MTA1: variants seen among roughly 807,000 people sequenced by gnomAD.
MTA1 encodes metastasis associated 1.
In MTA1, 15 loss-of-function variants were observed where a neutral mutation model predicts 97.0. The observed-to-expected ratio is 0.15, with a 90% confidence interval of 0.10 to 0.24. The LOEUF (loss-of-function observed/expected upper bound fraction) is 0.24, where lower values mean the gene tolerates loss of function less well. MTA1 is among the 10% of genes least tolerant of loss of function. The pLI, the probability that MTA1 is intolerant of heterozygous loss-of-function variation, is 1.00. For missense variants in MTA1, 709 were observed against 1,015.1 expected (o/e 0.70, Z 4.10); for synonymous variants, 435 against 417.5 (o/e 1.04, Z -0.51).
In MTA1 at chr14:105,469,615, G is replaced by A. The variant is rs587688754; in HGVS notation, c.1845+117G>A. On this transcript the variant is annotated intron_variant, in intron 19 of 20. Transcript: ENST00000331320. Reference sequence around the variant, plus strand: ...CACGTGGAAGCTTCCAGGAGGCCTGGCAAGACCAGAGGGGCTGCAGCATGT... The same window carrying A: ...CACGTGGAAGCTTCCAGGAGGCCTGACAAGACCAGAGGGGCTGCAGCATGT... 65 of 1,332,228 alleles carry A rather than the reference G, an allele frequency of 4.9e-5. 1 individual carries two copies. In the Admixed American group the frequency reaches 1.1e-3, roughly 22 times the overall value. The allele number at this position is 1,332,228 out of a possible 1,614,324, so 82.5% of individuals were successfully genotyped here.
rs1391127409 is a variant in MTA1, at chr14:105,470,058, C to T, written c.1998-7C>T. 6.2e-7 allele frequency: 1 copy of T among 1,612,638 alleles called. No homozygotes were observed. The highest frequency in any genetic ancestry group is 2.2e-5 in the East Asian group (1 of 44,880). On this transcript the variant is annotated splice_region_variant and splice_polypyrimidine_tract_variant and intron_variant, in intron 20 of 20. Coordinates refer to ENST00000331320, the MANE Select transcript of MTA1 (RefSeq NM_004689.4). ...GTCCCGGCCCTCACCACCACCTCTG[C>T]CCACAGGAAGATCCGCAAGCTGCTC... is the stretch of plus-strand genomic sequence containing the variant.
intron 7 of MTA1, 42 bp from the exon 8 acceptor site, chr14:105,458,228 C>T (rs781872694): frequency 3.6e-5 from 56 of 1,572,270 alleles, no homozygotes; most frequent in Non-Finnish European, 4.5e-5. Flanking sequence ...CCCGGCGCGC[C>T]GTGGGACCCC....
intron 19 of MTA1, 153 bp downstream of exon 19, chr14:105,469,651 GC>G: frequency 8.3e-7 from 1 of 1,200,538 alleles, no homozygotes. Context: ...GGGGGCCATG[GC>G]CCCTGTGCCA....
chr14:105,453,198 G>A (rs906408600), intron 6 of MTA1, among the ~76,000 whole-genome samples: 1 of 152,282 alleles, frequency 6.6e-6, no homozygotes, highest in Non-Finnish European at 1.5e-5. Context: ...GAAGGGCCGC[G>A]CCTGCTGCGC....
chr14:105,422,306 T>G lies in MTA1; in HGVS notation c.28+2243T>G, dbSNP rs1394623373. 1.3e-5 allele frequency among the ~76,000 whole-genome samples: 2 copies of G among 152,112 alleles called. No homozygotes were observed. Among genetic ancestry groups the G allele is most frequent in the Non-Finnish European group, 2.9e-5 (2 of 68,016 alleles). On this transcript the variant is annotated intron_variant, in intron 1 of 20. Coordinates refer to ENST00000331320, the MANE Select transcript of MTA1 (RefSeq NM_004689.4). The surrounding 1 kb of genome is among the most constrained non-coding windows in gnomAD (Gnocchi z 4.3). ...AGTGGGCTGGGCATTGCAGGTTGGC[T>G]TCCTGTCTTGGTGCTCGCTCGGGGA...
At chr14:105,438,052 CTGAGCTCTGG>C (rs1166933624) in intron 1 of MTA1, among the ~76,000 whole-genome samples, 2 of 152,246 alleles carry the variant, frequency 1.3e-5, no homozygotes, top group African/African-American at 2.4e-5. Context: ...GTTGCTGTCC[CTGAGCTCTGG>C]TGAGCTCTGG....
chr14:105,420,141 CCTCT>C lies in MTA1; in HGVS notation c.28+79_28+82del. On this transcript the variant is annotated intron_variant, in intron 1 of 20. Coordinates refer to ENST00000331320, the MANE Select transcript of MTA1 (RefSeq NM_004689.4). The surrounding 1 kb of genome is among the most constrained non-coding windows in gnomAD (Gnocchi z 5.3). ...CGCCGCCGCTGCCGCCTCCCCCGCC[CCTCT>C]GCCCCGCAGGCCCCGCGCCCCCCGC... The C allele has an allele frequency of 3.9e-6, 3 of 759,510 alleles. No individual in the cohort carries two copies. The highest frequency in any genetic ancestry group is 4.8e-6 in the Non-Finnish European group (3 of 620,746). 47.0% of individuals were successfully genotyped at this position (759,510 alleles called of 1,614,324 possible).
Position 105,423,215 on chromosome 14 carries a change from AT to A in MTA1, c.28+3174del, listed in dbSNP as rs1166908446. ...CCATCTTTTGGATTTTTTTTGTTTAATTTTTTTTTTTTTTTTTTTTTTGAGA... is the reference window on the plus strand; with the variant it reads ...CCATCTTTTGGATTTTTTTTGTTTAATTTTTTTTTTTTTTTTTTTTTGAGA... On this transcript the variant is annotated intron_variant, in intron 1 of 20. Transcript: ENST00000331320. 9.1e-3 allele frequency among the ~76,000 whole-genome samples: 1,037 copies of A among 113,544 alleles called. 3 individuals are homozygous for A. The highest frequency in any genetic ancestry group is 0.025 in the African/African-American group (680 of 27,306). 74.5% of individuals were successfully genotyped at this position (113,544 alleles called of 152,430 possible). A position where few individuals can be genotyped will look rare whatever the true frequency, so the allele number is the denominator to read the frequency against.
chr14:105,462,910 C>T (rs1015781057), intron 10 of MTA1, among the ~76,000 whole-genome samples: 7 of 152,226 alleles, frequency 4.6e-5, no homozygotes, highest in African/African-American at 1.7e-4. Context: ...GCTGGGTTGT[C>T]AGTGCCACCT....
At chr14:105,449,903 G>A (rs1555428137) in intron 4 of MTA1, among the ~76,000 whole-genome samples, 155 bp from the exon 5 acceptor site, 2 of 152,214 alleles carry the variant, frequency 1.3e-5, no homozygotes, top group African/African-American at 4.8e-5. Context: ...GGCCGCCATA[G>A]GGTGGGGCAG....
At chr14:105,458,494 G>A in intron 8 of MTA1, 122 bp downstream of exon 8, 8 of 875,380 alleles carry the variant, frequency 9.1e-6, no homozygotes, top group Admixed American at 2.1e-5. Flanking sequence ...AGAAGCCCAT[G>A]CGCTGCAGCC....
chr14:105,468,246 C>G, intron 18 of MTA1: 1 of 1,241,004 alleles, frequency 8.1e-7, no homozygotes, highest in South Asian at 1.3e-5. Flanking sequence ...GCCTGTTGCG[C>G]TGTCCCCACC....
At chr14:105,426,634 C>T (rs1009466608) in intron 1 of MTA1, among the ~76,000 whole-genome samples, 1 of 152,224 alleles carries the variant, frequency 6.6e-6, no homozygotes, top group African/African-American at 2.4e-5. Flanking sequence ...CATGAGGGAA[C>T]GTCTGTCTGC....
At chr14:105,456,886 G>A (rs1555430051) in intron 7 of MTA1, among the ~76,000 whole-genome samples, 1 of 152,218 alleles carries the variant, frequency 6.6e-6, no homozygotes, top group East Asian at 1.9e-4. Context: ...CTCTGAGTCT[G>A]GCCAGGCATT....
chr14:105,432,960 G>A (rs2082221108), intron 1 of MTA1, among the ~76,000 whole-genome samples: 1 of 152,144 alleles, frequency 6.6e-6, no homozygotes, highest in Non-Finnish European at 1.5e-5. Context: ...GCTCCCGCCT[G>A]AGCTTCAGTC....
At chr14:105,442,563 A>G (rs1442592886) in intron 2 of MTA1, among the ~76,000 whole-genome samples, 2 of 152,272 alleles carry the variant, frequency 1.3e-5, no homozygotes, top group African/African-American at 2.4e-5. Flanking sequence ...AATCTCAGGA[A>G]GCAAAGGTGT....
intron 3 of MTA1, among the ~76,000 whole-genome samples, chr14:105,447,924 T>A (rs1368371938): frequency 6.6e-6 from 1 of 152,140 alleles, no homozygotes; most frequent in Non-Finnish European, 1.5e-5. Context: ...GTGAGGACAC[T>A]CTGGGAGGCC....
intron 1 of MTA1, among the ~76,000 whole-genome samples, chr14:105,432,614 C>T (rs587699024): frequency 1.3e-5 from 2 of 152,338 alleles, no homozygotes; most frequent in East Asian, 3.9e-4. Context: ...CATCAATACA[C>T]CAGATGACTT....
intron 18 of MTA1, chr14:105,468,170 G>C (rs1262101778): frequency 5.8e-6 from 3 of 520,520 alleles, no homozygotes; most frequent in Non-Finnish European, 1.0e-5. Flanking sequence ...AGCTGAGCTC[G>C]AGTGAGGGCC....
Sources: allele counts gnomAD v4.1 joint callset (sites outside exome capture counted in the v4.1 genomes callset), GRCh38; gene constraint gnomAD v4.1.1; non-coding constraint Gnocchi (gnomAD v3.1); transcripts MANE v1.5; gene names NCBI Gene and HGNC (gene_info 2026-07-23, HGNC 2026-07-21).